Variants in SCNN1B observed in about 807,000 individuals in gnomAD.
SCNN1B encodes epithelial sodium channel subunit beta.
A neutral mutation model predicts 65.3 loss-of-function variants in SCNN1B; 46 were observed. The ratio of observed to expected loss-of-function variants is 0.70; its 90% CI spans 0.56 to 0.90. SCNN1B has a LOEUF of 0.90. Among genes scored for constraint, SCNN1B ranks in the 40% least tolerant of loss-of-function variants. SCNN1B has a pLI of 0.00. For synonymous variants in SCNN1B, 349 were observed against 330.6 expected (o/e 1.06, Z -0.60); for missense variants, 751 against 830.5 (o/e 0.90, Z 1.18).
At chr16:23,340,539 C>T (rs1005714620) in intron 1 of SCNN1B, among the ~76,000 whole-genome samples, 1 of 149,324 alleles carries the variant, frequency 6.7e-6, no homozygotes, top group African/African-American at 2.5e-5. Context: ...AAAAAAATTA[C>T]ACTTTTTTAT....
chr16:23,330,895 G>A (rs1961798051), intron 1 of SCNN1B, among the ~76,000 whole-genome samples: 1 of 152,100 alleles, frequency 6.6e-6, no homozygotes, highest in Admixed American at 6.5e-5. Flanking sequence ...CTTCCCTGGA[G>A]CTAGCTGCAG....
chr16:23,291,131 G>C (rs1012247315), intron 2 of SCNN1B, among the ~76,000 whole-genome samples: 6 of 147,462 alleles, frequency 4.1e-5, no homozygotes, highest in African/African-American at 1.5e-4. Flanking sequence ...GTGTGATCTT[G>C]GCTCACTGCA....
chr16:23,330,293 G>A (rs553442989), intron 1 of SCNN1B, among the ~76,000 whole-genome samples: 3 of 152,270 alleles, frequency 2.0e-5, no homozygotes, highest in Admixed American at 1.3e-4. Flanking sequence ...AATCCCCTTG[G>A]TCCCTTGATG....
chr16:23,315,061 G>A (rs937697056), intron 1 of SCNN1B, among the ~76,000 whole-genome samples: 1 of 152,232 alleles, frequency 6.6e-6, no homozygotes, highest in African/African-American at 2.4e-5. Context: ...CACCGGCTGG[G>A]TGCGGTGGCT....
chr16:23,366,552 G>A (rs1489497369), intron 4 of SCNN1B, among the ~76,000 whole-genome samples: 2 of 152,052 alleles, frequency 1.3e-5, no homozygotes, highest in Non-Finnish European at 2.9e-5. Context: ...TGGCCAACAT[G>A]ATGAAACCCC....
At chr16:23,371,265 A>G (rs774744316) in intron 5 of SCNN1B, 34 bp from the exon 6 acceptor site, 1 of 1,612,558 alleles carries the variant, frequency 6.2e-7, no homozygotes, top group Non-Finnish European at 8.5e-7. Flanking sequence ...CTCAGGAGAA[A>G]GTTCAGGCAG....
In SCNN1B at chr16:23,380,602, C is replaced by A; in HGVS notation, c.1724C>A (p.Pro575Gln). ...RRAQASYAGP[P>Q]PTVAELVEAH... ...GCCCAAGCCAGCTACGCTGGCCCAC[C>A]GCCCACCGTGGCCGAGCTGGTGGAG... The change falls in exon 13 of 13, where the codon CCG becomes CAG. Residue 575 changes from proline to glutamine, a missense_variant. Pro to Gln is a moderately conservative substitution (Grantham distance 76). Coordinates refer to ENST00000343070, the MANE Select transcript of SCNN1B (RefSeq NM_000336.3). This position sits in a 1 kb window ranked among gnomAD's most constrained non-coding sequence, Gnocchi z 5.4. 6.2e-7 allele frequency: 1 copy of A among 1,614,036 alleles called. No homozygotes were observed. The highest frequency in any genetic ancestry group is 8.5e-7 in the Non-Finnish European group (1 of 1,179,982).
intron 1 of SCNN1B, among the ~76,000 whole-genome samples, chr16:23,279,108 ACT>A (rs1447535123): frequency 8.7e-5 from 13 of 149,732 alleles, no homozygotes; most frequent in African/African-American, 3.0e-4. Context: ...ATGGGGGCTG[ACT>A]CTGTCACCCA....
chr16:23,305,544 A>ATATATATATATATAAATAT (rs1961182974), intron 1 of SCNN1B, among the ~76,000 whole-genome samples: 1 of 30,640 alleles, frequency 3.3e-5, no homozygotes, highest in Admixed American at 3.5e-4. Context: ...TTATATATAT[A>ATATATATATATATAAATAT]TATATATATA....
intron 1 of SCNN1B, among the ~76,000 whole-genome samples, chr16:23,323,820 G>C (rs1961637365): frequency 6.6e-6 from 1 of 152,160 alleles, no homozygotes; most frequent in Non-Finnish European, 1.5e-5. Context: ...AAGCCTCAGG[G>C]AAGTGCAGGC....
At chr16:23,361,427 T>G (rs1221197673) in intron 4 of SCNN1B, among the ~76,000 whole-genome samples, 1 of 151,862 alleles carries the variant, frequency 6.6e-6, no homozygotes. Context: ...GGGAAGGGAG[T>G]GGCCAGTGGG....
At chr16:23,366,160 G>A (rs1455660806) in intron 4 of SCNN1B, among the ~76,000 whole-genome samples, 1 of 152,130 alleles carries the variant, frequency 6.6e-6, no homozygotes, top group Non-Finnish European at 1.5e-5. Context: ...ATTATTTGAT[G>A]TACTTACTCT....
At chr16:23,319,446 G>C (rs951276268) in intron 1 of SCNN1B, among the ~76,000 whole-genome samples, 1 of 151,776 alleles carries the variant, frequency 6.6e-6, no homozygotes, top group African/African-American at 2.4e-5. Flanking sequence ...TTTTTGTGCA[G>C]CTTGTGAGTT....
chr16:23,283,149 G>A (rs781063030), intron 1 of SCNN1B, among the ~76,000 whole-genome samples: 2 of 152,208 alleles, frequency 1.3e-5, no homozygotes, highest in Non-Finnish European at 2.9e-5. Context: ...AGTGGCTCAC[G>A]CCTGTAATCC....
rs189389179 is a variant in SCNN1B at position 23,289,333 on chromosome 16, T to C, written n.178+5529T>C. Among the ~76,000 whole-genome samples the C allele has an allele frequency of 4.6e-3, 705 of 152,300 alleles. 8 individuals are homozygous for C. The highest frequency in any genetic ancestry group is 0.015 in the African/African-American group (634 of 41,566). On this transcript the variant is annotated intron_variant and non_coding_transcript_variant, in intron 2 of 3. Coordinates refer to the SCNN1B transcript ENST00000569789. Reference sequence around the variant, plus strand: ...GCTTTGGGAGGCTAAGACAGGAGGATTGCATGAGGCCAGAAGCCTCAGACC... The same window carrying C: ...GCTTTGGGAGGCTAAGACAGGAGGACTGCATGAGGCCAGAAGCCTCAGACC...
chr16:23,371,559 GC>G (rs1962785144), intron 6 of SCNN1B, 97 bp downstream of exon 6: 3 of 1,301,582 alleles, frequency 2.3e-6, no homozygotes, highest in Non-Finnish European at 3.3e-6. Flanking sequence ...GGGGATCTGG[GC>G]CCCCCAGCCC....
chr16:23,346,612 T>C lies in SCNN1B; in HGVS notation c.-8-1980T>C, dbSNP rs114361606. On this transcript the variant is annotated intron_variant, in intron 1 of 12. Transcript: ENST00000343070. Reference sequence around the variant, plus strand: ...CTCTTGGGATTGAAACCCTAATCTTTAACACAGTCCACAAGCCCTTGCGTG... The same window carrying C: ...CTCTTGGGATTGAAACCCTAATCTTCAACACAGTCCACAAGCCCTTGCGTG... Among the ~76,000 whole-genome samples, 779 of 152,102 alleles carry C rather than the reference T, an allele frequency of 5.1e-3. 8 individuals are homozygous for C. Among genetic ancestry groups the C allele is most frequent in the African/African-American group, 0.016 (677 of 41,496 alleles).
chr16:23,355,574 G>T, intron 4 of SCNN1B, 85 bp downstream of exon 4: 2 of 1,389,288 alleles, frequency 1.4e-6, no homozygotes, highest in Non-Finnish European at 1.0e-6. Flanking sequence ...GCCTGCCAGG[G>T]TTCCAATCCT....
intron 3 of SCNN1B, 120 bp downstream of exon 3, chr16:23,353,194 G>C (rs1962348484): frequency 8.2e-7 from 1 of 1,216,344 alleles, no homozygotes; most frequent in Admixed American, 2.0e-5. Context: ...GCCAGAGCCT[G>C]TTTTGCTTGT....
Sources: gnomAD v4.1 joint callset for allele counts (sites outside exome capture counted in the v4.1 genomes callset) on GRCh38, gnomAD v4.1.1 for gene constraint, Gnocchi (gnomAD v3.1) non-coding constraint, MANE v1.5 for transcripts, NCBI Gene and HGNC (gene_info 2026-07-23, HGNC 2026-07-21) for gene names.